CELF5: variants seen among roughly 807,000 people sequenced by gnomAD.
CELF5 encodes the protein CUGBP Elav-like family member 5.
In CELF5, 6 loss-of-function variants were observed where a neutral mutation model predicts 54.9. That is an observed-to-expected ratio of 0.11 (90% CI 0.06 to 0.22). The LOEUF (loss-of-function observed/expected upper bound fraction) is 0.22. Ranked by LOEUF, CELF5 falls within the 10% of genes least tolerant of loss-of-function variation. The pLI is 1.00. For synonymous variants in CELF5, 271 were observed against 290.9 expected, an observed-to-expected ratio of 0.93 and a Z score of 0.70; for missense variants, 401 against 678.6, an observed-to-expected ratio of 0.59 and a Z score of 4.54.
intron 1 of CELF5, among the ~76,000 whole-genome samples, chr19:3,243,121 A>G (rs747406008): frequency 4.6e-5 from 7 of 152,136 alleles, no homozygotes; most frequent in Non-Finnish European, 1.0e-4. Context: ...TGAGTATTAA[A>G]TGATTCAGTA....
At chr19:3,227,284 T>G (rs1916979726) in intron 1 of CELF5, among the ~76,000 whole-genome samples, 2 of 152,302 alleles carry the variant, frequency 1.3e-5, no homozygotes, top group Admixed American at 6.5e-5. Context: ...GGCTAGTGAC[T>G]GCCCCTCTCT....
chr19:3,233,525 C>T (rs144526048), intron 1 of CELF5, among the ~76,000 whole-genome samples: 3 of 152,216 alleles, frequency 2.0e-5, no homozygotes, highest in Non-Finnish European at 4.4e-5. Flanking sequence ...ACGTTTGAGA[C>T]GAGACCTGAA....
chr19:3,257,764 C>T (rs927043311), intron 2 of CELF5, among the ~76,000 whole-genome samples: 76 of 151,062 alleles, frequency 5.0e-4, no homozygotes, highest in African/African-American at 1.8e-3. Context: ...GCATGAGCCA[C>T]CATGCCCAGC....
At chr19:3,292,718 AAG>A (rs1317494561) in intron 11 of CELF5, among the ~76,000 whole-genome samples, 1 of 152,054 alleles carries the variant, frequency 6.6e-6, no homozygotes, top group African/African-American at 2.4e-5. Context: ...GAACGAGAGA[AAG>A]AGGGGAGGGG....
At chr19:3,277,991 ACCCCATCAC>A (rs1340001723) in intron 4 of CELF5, 31 bp from the exon 5 acceptor site, 1 of 1,555,212 alleles carries the variant, frequency 6.4e-7, no homozygotes, top group Non-Finnish European at 8.9e-7. Flanking sequence ...CAGTCCTGTG[ACCCCATCAC>A]CCTCTACCTC....
intron 1 of CELF5, among the ~76,000 whole-genome samples, chr19:3,225,932 C>G (rs1244404690): frequency 6.6e-6 from 1 of 152,174 alleles, no homozygotes; most frequent in Non-Finnish European, 1.5e-5. Context: ...CGTGGGCGGC[C>G]TCAGGCCTGT....
At chr19:3,244,649 CTG>C (rs568519994) in intron 1 of CELF5, among the ~76,000 whole-genome samples, 5 of 140,384 alleles carry the variant, frequency 3.6e-5, no homozygotes, top group African/African-American at 5.4e-5. Flanking sequence ...GTGTATGTAT[CTG>C]TGTGCATAGT....
At chr19:3,287,118 A>G (rs2080265822) in intron 10 of CELF5, among the ~76,000 whole-genome samples, 1 of 152,034 alleles carries the variant, frequency 6.6e-6, no homozygotes, top group Non-Finnish European at 1.5e-5. Context: ...GTAAATGGAT[A>G]AATAAATTAG....
chr19:3,237,052 C>T lies in CELF5; in HGVS notation c.259+12054C>T, dbSNP rs1021230259. Among the ~76,000 whole-genome samples the T allele has an allele frequency of 5.6e-4, 84 of 149,786 alleles. 2 individuals carry two copies. The highest frequency in any genetic ancestry group is 2.0e-3 in the African/African-American group (81 of 40,740). On this transcript the variant is annotated intron_variant, in intron 1 of 12. Transcript: ENST00000292672. ...CTCCGGCCAGGCGTGGTGGCTCACGCCTGTAATCCCAGCACTTTGGGAGGC... is the reference window on the plus strand; with the variant it reads ...CTCCGGCCAGGCGTGGTGGCTCACGTCTGTAATCCCAGCACTTTGGGAGGC...
chr19:3,286,860 C>T (rs1242863677), intron 10 of CELF5: 1 of 151,658 alleles, frequency 6.6e-6, no homozygotes, highest in Non-Finnish European at 1.5e-5. Context: ...CGGGGAAACC[C>T]TGTCTCTACT....
intron 2 of CELF5, among the ~76,000 whole-genome samples, chr19:3,257,404 T>G (rs2079743042): frequency 6.6e-6 from 1 of 152,200 alleles, no homozygotes; most frequent in South Asian, 2.1e-4. Context: ...CAAGGGTGAC[T>G]GGGACCAGGG....
rs192788214 is a variant in CELF5 at position 3,242,048 on chromosome 19, T to G, written c.260-8937T>G. On this transcript the variant is annotated intron_variant, in intron 1 of 12. Transcript: ENST00000292672. Reference sequence around the variant, plus strand: ...CCTTGGCCTCGCAAAATGCTAGGATTACAGGCATGAACCACCATGCCCGGC... The same window carrying G: ...CCTTGGCCTCGCAAAATGCTAGGATGACAGGCATGAACCACCATGCCCGGC... 1.4e-4 allele frequency among the ~76,000 whole-genome samples: 22 copies of G among 152,280 alleles called. No individual in the cohort carries two copies. The East Asian group carries it at 3.3e-3, about 23-fold the overall frequency.
At chr19:3,241,720 A>G (rs1335866149) in intron 1 of CELF5, among the ~76,000 whole-genome samples, 2 of 152,052 alleles carry the variant, frequency 1.3e-5, no homozygotes, top group African/African-American at 4.8e-5. Flanking sequence ...TGGGATCCAC[A>G]GGGCCCTCAG....
intron 8 of CELF5, among the ~76,000 whole-genome samples, chr19:3,284,411 C>T (rs2080199789): frequency 6.6e-6 from 1 of 152,152 alleles, no homozygotes; most frequent in African/African-American, 2.4e-5. Flanking sequence ...CTTTGGTGGC[C>T]TGGACAACTT....
intron 1 of CELF5, among the ~76,000 whole-genome samples, chr19:3,245,034 T>C (rs1599404629): frequency 6.7e-6 from 1 of 149,006 alleles, no homozygotes; most frequent in African/African-American, 2.5e-5. Flanking sequence ...GGTGTGTGCA[T>C]GCATCTTGTC....
At position 3,275,958 on chromosome 19, in the gene CELF5, T is replaced by G; in HGVS notation, c.497T>G (p.Leu166Arg). Residue 166 changes from leucine (L) to arginine (R), a missense_variant, in exon 4 of 13, where the codon CTC (leucine) becomes CGC (arginine). Physicochemically the swap from Leu to Arg is moderately radical, Grantham distance 102. Around this residue, in one of 6 missense-constraint regions of CELF5, gnomAD observed 87 missense variants for 190.2 expected, o/e 0.46. Transcript: ENST00000292672. This position sits in a 1 kb window ranked among gnomAD's most constrained non-coding sequence, Gnocchi z 6.7. The part of the protein sequence containing the change: ...PFGVIDECTV[L>R]RGPDGSSKGC... ...GGGGTCATTGACGAGTGCACCGTGC[T>G]CCGGGGGCCTGACGGCAGCAGCAAA... 1 of 1,558,340 alleles carries G rather than the reference T, an allele frequency of 6.4e-7. No individual in the cohort carries two copies. The highest frequency in any genetic ancestry group is 8.7e-7 in the Non-Finnish European group (1 of 1,148,404).
In CELF5 at chr19:3,231,482, ATGGATGGATGGG is replaced by A. The variant is rs1405203138; in HGVS notation, c.259+6491_259+6502del. Among the ~76,000 whole-genome samples the A allele has an allele frequency of 2.2e-3, 332 of 147,822 alleles. 2 individuals are homozygous for A. Among genetic ancestry groups the A allele is most frequent in the African/African-American group, 8.0e-3 (311 of 39,082 alleles). ...GATGGATGGATGGATGGATGGATGGATGGATGGATGGGTGGATGAATGGATTTATGGATGGAT... is the reference window on the plus strand; with the variant it reads ...GATGGATGGATGGATGGATGGATGGATGGATGAATGGATTTATGGATGGAT... On this transcript the variant is annotated intron_variant, in intron 1 of 12. Coordinates refer to ENST00000292672, the MANE Select transcript of CELF5 (RefSeq NM_021938.4).
chr19:3,289,707 A>AAAAAAAAAT, intron 10 of CELF5, among the ~76,000 whole-genome samples: 1 of 147,428 alleles, frequency 6.8e-6, no homozygotes, highest in Non-Finnish European at 1.5e-5. Flanking sequence ...AAAAAAAAAA[A>AAAAAAAAAT]AAAAAAAATT....
chr19:3,263,137 C>T (rs185473545), intron 2 of CELF5, among the ~76,000 whole-genome samples: 8 of 150,294 alleles, frequency 5.3e-5, no homozygotes, highest in African/African-American at 2.0e-4. Flanking sequence ...ATCCTAGCTA[C>T]TCAGGAGGCT....
Sources: allele counts gnomAD v4.1 joint callset (sites outside exome capture counted in the v4.1 genomes callset), GRCh38; gene constraint gnomAD v4.1.1; regional missense constraint gnomAD v4.1.1; non-coding constraint Gnocchi (gnomAD v3.1); transcripts MANE v1.5; gene names NCBI Gene and HGNC (gene_info 2026-07-23, HGNC 2026-07-21).